SPOCK1: variants seen among roughly 807,000 people sequenced by gnomAD.
SPOCK1 encodes the protein SPARC (osteonectin), cwcv and kazal like domains proteoglycan 1, also known as testican-1.
SPOCK1 carries 23 observed loss-of-function variants against 55.3 expected under a neutral mutation model. The ratio of observed to expected loss-of-function variants is 0.42; its 90% confidence interval spans 0.30 to 0.59. The LOEUF (loss-of-function observed/expected upper bound fraction) is 0.59. SPOCK1 is among the 20% of genes least tolerant of loss of function. SPOCK1 has a pLI of 0.22. For synonymous variants in SPOCK1, 226 were observed against 221.0 expected (o/e 1.02, Z -0.20); for missense variants, 499 against 552.5 (o/e 0.90, Z 0.97).
At chr5:137,439,218 T>C (rs1384341830) in intron 2 of SPOCK1, among the ~76,000 whole-genome samples, 1 of 152,152 alleles carries the variant, frequency 6.6e-6, no homozygotes, top group Non-Finnish European at 1.5e-5. Context: ...GTACACAGGA[T>C]AGTTTCAATG....
chr5:137,290,383 CA>C (rs11323424), intron 2 of SPOCK1, among the ~76,000 whole-genome samples: 9,471 of 152,056 alleles, frequency 0.062, 520 homozygotes, highest in African/African-American at 0.14. Flanking sequence ...ATATAAAGTT[CA>C]AAAAAGGGCA....
chr5:136,992,575 G>T lies in SPOCK1; in HGVS notation c.615C>A (p.Asn205Lys), dbSNP rs779934937. The T allele has an allele frequency of 6.2e-7, 1 of 1,613,872 alleles. No homozygotes were observed. The highest frequency in any genetic ancestry group is 1.3e-5 in the African/African-American group (1 of 75,032). ...RSACTDKELR[N>K]LASRLKDWFG... is the part of the protein sequence containing the mutation. Reference sequence around the variant, plus strand: ...ACCAATCCTTCAGCCGGGAGGCAAGGTTCCGCAACTCCTTGTCTGTGCAGG... The same window carrying T: ...ACCAATCCTTCAGCCGGGAGGCAAGTTTCCGCAACTCCTTGTCTGTGCAGG... The change falls in exon 7 of 11, where the codon AAC becomes AAA. Residue 205 changes from asparagine (N) to lysine (K), a missense_variant. Asn to Lys is a moderately conservative substitution (Grantham distance 94). Coordinates refer to ENST00000394945, the MANE Select transcript of SPOCK1 (RefSeq NM_004598.4).
chr5:137,216,604 A>G lies in SPOCK1; in HGVS notation c.232+50406T>C, dbSNP rs542290696. The stretch of plus-strand genomic sequence containing the variant: ...TGCATGCCTGGAGTCCCAGATACTC[A>G]GGAGCCTGAGGTAGGGGAATCACTC... On this transcript the variant is annotated intron_variant, in intron 3 of 10. Transcript: ENST00000394945. Among the ~76,000 whole-genome samples, 13 of 152,274 alleles carry G rather than the reference A, an allele frequency of 8.5e-5. No homozygotes were observed. In the East Asian group the frequency reaches 2.3e-3, roughly 27 times the overall value.
rs74358401 is a variant in SPOCK1 at position 137,082,955 on chromosome 5, C to A, written c.475-15126G>T. ...GCCAAAATTCATTAACGAAGGCCAA[C>A]TGTGATCTCCAGGAAGCTAGCTGCT... On this transcript the variant is annotated intron_variant, in intron 5 of 10. Coordinates refer to ENST00000394945, the MANE Select transcript of SPOCK1 (RefSeq NM_004598.4). Among the ~76,000 whole-genome samples the A allele has an allele frequency of 8.2e-3, 1,245 of 152,300 alleles. 56 individuals carry two copies. The East Asian group carries it at 0.13, about 15-fold the overall frequency.
chr5:137,220,074 G>T (rs1359178636), intron 3 of SPOCK1, among the ~76,000 whole-genome samples: 1 of 152,158 alleles, frequency 6.6e-6, no homozygotes, highest in Admixed American at 6.5e-5. Context: ...TCTAGTGGGG[G>T]TCAGTTGCAT....
intron 2 of SPOCK1, among the ~76,000 whole-genome samples, chr5:137,463,010 C>T (rs1378619797): frequency 6.6e-6 from 1 of 152,142 alleles, no homozygotes; most frequent in Non-Finnish European, 1.5e-5. Context: ...TCAGGGGCTT[C>T]ATGGGCCACA....
intron 3 of SPOCK1, among the ~76,000 whole-genome samples, chr5:137,181,800 T>C (rs1006431354): frequency 4.6e-5 from 7 of 152,214 alleles, no homozygotes; most frequent in Admixed American, 4.6e-4. Flanking sequence ...TATGATAATC[T>C]AAATCGGGCT....
intron 2 of SPOCK1, among the ~76,000 whole-genome samples, chr5:137,388,453 G>T (rs545477120): frequency 6.6e-6 from 1 of 152,154 alleles, no homozygotes; most frequent in Non-Finnish European, 1.5e-5. Context: ...TATAACAAAA[G>T]CAAGGTCACA....
intron 2 of SPOCK1, among the ~76,000 whole-genome samples, chr5:137,318,009 C>T (rs1325623929): frequency 1.3e-5 from 2 of 152,158 alleles, no homozygotes; most frequent in Non-Finnish European, 2.9e-5. Flanking sequence ...TAAAAAGTCT[C>T]ATTAATTTTT....
intron 3 of SPOCK1, among the ~76,000 whole-genome samples, chr5:137,225,030 C>CCAAAAG (rs1755919486): frequency 1.3e-5 from 2 of 152,090 alleles, no homozygotes; most frequent in African/African-American, 4.8e-5. Context: ...ACCGTTCTCC[C>CCAAAAG]CAAAAGCATG....
intron 3 of SPOCK1, among the ~76,000 whole-genome samples, chr5:137,235,224 G>T (rs1756154196): frequency 6.6e-6 from 1 of 152,198 alleles, no homozygotes; most frequent in South Asian, 2.1e-4. Flanking sequence ...ATCCAGGTCA[G>T]GGAGCCATGG....
intron 2 of SPOCK1, among the ~76,000 whole-genome samples, chr5:137,416,531 CT>C (rs1294970052): frequency 6.6e-6 from 1 of 151,946 alleles, no homozygotes; most frequent in East Asian, 1.9e-4. Context: ...TTATATAATC[CT>C]CCTCAAAAAT....
intron 2 of SPOCK1, among the ~76,000 whole-genome samples, chr5:137,309,151 C>T (rs1757748656): frequency 6.6e-6 from 1 of 152,184 alleles, no homozygotes; most frequent in African/African-American, 2.4e-5. Flanking sequence ...GTAGATAGAT[C>T]TTCAGTGTGA....
At chr5:137,372,597 A>G (rs919898471) in intron 2 of SPOCK1, among the ~76,000 whole-genome samples, 1 of 152,236 alleles carries the variant, frequency 6.6e-6, no homozygotes, top group African/African-American at 2.4e-5. Context: ...CACACAAAAA[A>G]TGGTCTAGCA....
intron 2 of SPOCK1, among the ~76,000 whole-genome samples, chr5:137,336,007 T>G (rs1750268528): frequency 1.3e-5 from 2 of 152,144 alleles, no homozygotes; most frequent in South Asian, 4.1e-4. Flanking sequence ...CCCTAATGAT[T>G]TTCTCTCCTT....
At chr5:136,982,973 C>T (rs186102082) in intron 9 of SPOCK1, among the ~76,000 whole-genome samples, 3 of 152,196 alleles carry the variant, frequency 2.0e-5, no homozygotes, top group African/African-American at 7.2e-5. Flanking sequence ...TCTCATTGTA[C>T]TGTGGGTAAT....
At chr5:137,381,983 A>AT (rs1751481135) in intron 2 of SPOCK1, among the ~76,000 whole-genome samples, 1 of 152,186 alleles carries the variant, frequency 6.6e-6, no homozygotes, top group African/African-American at 2.4e-5. Context: ...TATTAGTTCC[A>AT]GTTTCAGATA....
chr5:137,281,050 T>A (rs1757157633), intron 2 of SPOCK1, among the ~76,000 whole-genome samples: 1 of 152,194 alleles, frequency 6.6e-6, no homozygotes, highest in Non-Finnish European at 1.5e-5. Flanking sequence ...GGTTTCTTCC[T>A]GTTTCTACTT....
chr5:137,155,188 A>G (rs77392087), intron 3 of SPOCK1, among the ~76,000 whole-genome samples: 3 of 152,202 alleles, frequency 2.0e-5, no homozygotes, highest in Admixed American at 6.5e-5. Flanking sequence ...TAGCAGCCCA[A>G]ACTGGGCCCC....
Sources: gnomAD v4.1 joint callset for allele counts (sites outside exome capture counted in the v4.1 genomes callset) on GRCh38, gnomAD v4.1.1 for gene constraint, MANE v1.5 for transcripts, NCBI Gene and HGNC (gene_info 2026-07-23, HGNC 2026-07-21) for gene names.